RBPJ: variants seen among roughly 807,000 people sequenced by gnomAD.
RBPJ encodes the protein recombination signal binding protein for immunoglobulin kappa J region.
A neutral mutation model predicts 67.8 loss-of-function variants in RBPJ; 9 were observed. That is an observed-to-expected ratio of 0.13 (90% CI 0.08 to 0.23). The LOEUF (loss-of-function observed/expected upper bound fraction) is 0.23. Ranked by LOEUF, RBPJ falls within the 10% of genes least tolerant of loss-of-function variation. The probability of loss-of-function intolerance (pLI) is 1.00; values close to 1 mark genes in which losing one functional copy is unlikely to be tolerated. For missense variants in RBPJ, 305 were observed against 595.6 expected, an observed-to-expected ratio of 0.51 and a Z score of 5.08; for synonymous variants, 198 against 203.3, an observed-to-expected ratio of 0.97 and a Z score of 0.22.
At chr4:26,174,509 G>A (rs1374961009) in intron 1 of RBPJ, among the ~76,000 whole-genome samples, 2 of 152,068 alleles carry the variant, frequency 1.3e-5, no homozygotes, top group East Asian at 3.9e-4. Flanking sequence ...TTACTCTGTT[G>A]CCCAAGCTGC....
intron 1 of RBPJ, among the ~76,000 whole-genome samples, chr4:26,220,575 C>T (rs1222401366): frequency 1.3e-5 from 2 of 152,138 alleles, no homozygotes; most frequent in African/African-American, 2.4e-5. Flanking sequence ...TCTTGAACTC[C>T]GGTCACAGCA....
intron 2 of RBPJ, 123 bp downstream of exon 2, chr4:26,386,514 A>G (rs1730933920): frequency 1.6e-6 from 1 of 618,394 alleles, no homozygotes; most frequent in Non-Finnish European, 2.7e-6. Flanking sequence ...TAGAGCATAA[A>G]CTTATTCTCA....
At chr4:26,334,096 A>T (rs1449909034) in intron 1 of RBPJ, among the ~76,000 whole-genome samples, 1 of 150,624 alleles carries the variant, frequency 6.6e-6, no homozygotes, top group African/African-American at 2.4e-5. Flanking sequence ...GCTGGAGCGC[A>T]GTGATGCTAT....
the RBPJ span, among the ~76,000 whole-genome samples, chr4:26,138,227 C>T: frequency 6.6e-6 from 1 of 152,162 alleles, no homozygotes; most frequent in African/African-American, 2.4e-5. Context: ...AACCTCCAGA[C>T]ATTTTGGCTC....
chr4:26,368,170 C>G (rs1477308561), intron 1 of RBPJ: 1 of 152,162 alleles, frequency 6.6e-6, no homozygotes. Flanking sequence ...GGTTGCTTGT[C>G]TTTGTACAGA....
chr4:26,137,509 G>A, the RBPJ span, among the ~76,000 whole-genome samples: 1 of 152,178 alleles, frequency 6.6e-6, no homozygotes, highest in East Asian at 1.9e-4. Context: ...GAGTACTATG[G>A]AGAGAAGCAG....
chr4:26,315,159 A>AT (rs1367140329), upstream of RBPJ, among the ~76,000 whole-genome samples: 1 of 114,050 alleles, frequency 8.8e-6, no homozygotes, highest in Non-Finnish European at 1.7e-5. Context: ...AAAAAAAAAA[A>AT]AAAAAAAAAT....
chr4:26,236,811 T>C (rs1719467205), intron 1 of RBPJ, among the ~76,000 whole-genome samples: 1 of 152,182 alleles, frequency 6.6e-6, no homozygotes, highest in Non-Finnish European at 1.5e-5. Context: ...AAACAACCCA[T>C]GTTAAGCCCC....
chr4:26,107,525 C>G, the RBPJ span, among the ~76,000 whole-genome samples: 2 of 152,220 alleles, frequency 1.3e-5, no homozygotes, highest in South Asian at 4.1e-4. Context: ...GATATTATAG[C>G]GTAGCTTGTT....
rs769223373 is a variant in RBPJ, at chr4:26,430,681, TTCC to T, written c.1149-5_1149-3del. 1.2e-6 allele frequency: 2 copies of T among 1,610,186 alleles called. No homozygotes were observed. The highest frequency in any genetic ancestry group is 3.4e-5 in the Admixed American group (2 of 59,584). On this transcript the variant is annotated splice_polypyrimidine_tract_variant and splice_region_variant and intron_variant, in intron 10 of 10. Coordinates refer to ENST00000355476, the MANE Select transcript of RBPJ (RefSeq NM_015874.6). The surrounding 1 kb of genome is among the most constrained non-coding windows in gnomAD (Gnocchi z 4.1). ...TAAAGTGTTTTTAAGTGATTTCTATTTCCTCCTCAGGTGTGGAGAGAGTATGCT... is the reference window on the plus strand; with the variant it reads ...TAAAGTGTTTTTAAGTGATTTCTATTTCCTCAGGTGTGGAGAGAGTATGCT...
At chr4:26,242,705 T>TTAAAAA (rs1719687882) in intron 1 of RBPJ, among the ~76,000 whole-genome samples, 1 of 100,414 alleles carries the variant, frequency 1.0e-5, no homozygotes, top group Non-Finnish European at 2.0e-5. Context: ...CACTCATAGT[T>TTAAAAA]AAAAAAAAAA....
At chr4:26,181,587 C>T (rs189788860) in intron 1 of RBPJ, among the ~76,000 whole-genome samples, 16 of 152,204 alleles carry the variant, frequency 1.1e-4, no homozygotes, top group Admixed American at 6.5e-4. Context: ...GTGTGAACAT[C>T]GCAGAGTGTA....
intron 7 of RBPJ, chr4:26,428,500 A>C: frequency 2.3e-6 from 1 of 427,950 alleles, no homozygotes; most frequent in Admixed American, 4.2e-5. Context: ...TGTTCAGGGA[A>C]GAGGGTAACA....
intron 1 of RBPJ, among the ~76,000 whole-genome samples, chr4:26,340,790 C>T (rs1725433589): frequency 6.7e-6 from 1 of 150,130 alleles, no homozygotes; most frequent in African/African-American, 2.5e-5. Flanking sequence ...ACCCGGGAGG[C>T]GGAGGTTGCA....
At chr4:26,170,765 A>T (rs1165968282) in intron 1 of RBPJ, among the ~76,000 whole-genome samples, 2 of 152,248 alleles carry the variant, frequency 1.3e-5, no homozygotes, top group African/African-American at 4.8e-5. Context: ...GGTAATGCAT[A>T]TTTAAGCAAT....
chr4:26,306,512 C>T (rs11937455), intron 1 of RBPJ, among the ~76,000 whole-genome samples: 1,576 of 151,614 alleles, frequency 0.01, 17 homozygotes, highest in East Asian at 0.03. Context: ...TGCAATGGCG[C>T]GATCTCCGCT....
chr4:26,382,533 C>CT (rs1346640698), intron 1 of RBPJ, among the ~76,000 whole-genome samples: 4 of 151,902 alleles, frequency 2.6e-5, no homozygotes, highest in Non-Finnish European at 5.9e-5. Flanking sequence ...TATGTATTGT[C>CT]TTTTTTTGTT....
intron 1 of RBPJ, among the ~76,000 whole-genome samples, chr4:26,306,848 C>T (rs1458599042): frequency 6.6e-6 from 1 of 151,938 alleles, no homozygotes; most frequent in African/African-American, 2.4e-5. Context: ...CTCACTGTTA[C>T]TTGTTTGTAG....
At chr4:26,119,609 C>T in the RBPJ span, among the ~76,000 whole-genome samples, 1 of 152,184 alleles carries the variant, frequency 6.6e-6, no homozygotes, top group African/African-American at 2.4e-5. Flanking sequence ...ACATTCTACC[C>T]ATCCTTCCGT....
Sources: allele counts gnomAD v4.1 joint callset (sites outside exome capture counted in the v4.1 genomes callset), GRCh38; gene constraint gnomAD v4.1.1; non-coding constraint Gnocchi (gnomAD v3.1); transcripts MANE v1.5; gene names NCBI Gene and HGNC (gene_info 2026-07-23, HGNC 2026-07-21).